SPOCK3: variants seen among roughly 807,000 people sequenced by gnomAD.
SPOCK3 encodes the protein SPARC (osteonectin), cwcv and kazal like domains proteoglycan 3.
A neutral mutation model predicts 56.6 loss-of-function variants in SPOCK3; 30 were observed. That is an observed-to-expected ratio of 0.53 (90% CI 0.40 to 0.72). The LOEUF (loss-of-function observed/expected upper bound fraction) is 0.72. Among genes scored for constraint, SPOCK3 ranks in the 30% least tolerant of loss-of-function variants. SPOCK3 has a pLI of 0.00. For synonymous variants in SPOCK3, 196 were observed against 183.3 expected (o/e 1.07, Z -0.56); for missense variants, 527 against 530.0 (o/e 0.99, Z 0.06).
At chr4:167,021,398 C>T (rs1751157177) in intron 3 of SPOCK3, among the ~76,000 whole-genome samples, 2 of 152,002 alleles carry the variant, frequency 1.3e-5, no homozygotes, top group South Asian at 4.1e-4. Context: ...CTATTAAAAT[C>T]TTGTGATAGC....
chr4:167,228,385 G>C (rs1205615436), intron 2 of SPOCK3, among the ~76,000 whole-genome samples: 12 of 152,114 alleles, frequency 7.9e-5, no homozygotes. Flanking sequence ...ATGAAAGCTA[G>C]AGGGTTAAAA....
chr4:167,147,573 A>G (rs1033802918), intron 2 of SPOCK3, among the ~76,000 whole-genome samples: 1 of 152,204 alleles, frequency 6.6e-6, no homozygotes, highest in Non-Finnish European at 1.5e-5. Context: ...ATGCCCATCA[A>G]TGATAAACTG....
chr4:166,814,429 C>T lies in SPOCK3; in HGVS notation c.590-22140G>A, dbSNP rs114005725. On this transcript the variant is annotated intron_variant, in intron 6 of 10. Transcript: ENST00000357545. ...ATCAGTAGACTGGGAGAGGAAGACC[C>T]ACCCTCATTAGGTGGGTGGGAATCA... Among the ~76,000 whole-genome samples the T allele has an allele frequency of 2.7e-3, 404 of 152,100 alleles. 1 individual carries two copies. Among genetic ancestry groups the T allele is most frequent in the African/African-American group, 9.4e-3 (389 of 41,530 alleles).
At chr4:167,026,515 A>C (rs930225816) in intron 3 of SPOCK3, among the ~76,000 whole-genome samples, 4 of 152,074 alleles carry the variant, frequency 2.6e-5, no homozygotes, top group Non-Finnish European at 5.9e-5. Context: ...AAATAAAATC[A>C]TCTGGCTTAA....
chr4:166,737,412 A>G (rs527668577), intron 10 of SPOCK3, 55 bp downstream of exon 10: 1 of 1,542,994 alleles, frequency 6.5e-7, no homozygotes, highest in Non-Finnish European at 8.8e-7. Flanking sequence ...ATGAGGCTCT[A>G]AAGCACTTAA....
intron 2 of SPOCK3, among the ~76,000 whole-genome samples, chr4:167,153,422 T>C (rs815222): frequency 0.16 from 24,884 of 152,168 alleles, 2,261 homozygotes; most frequent in East Asian, 0.21. Flanking sequence ...GATTGCTTTA[T>C]AGGATTGCTG....
chr4:167,227,114 C>A (rs571623072), intron 2 of SPOCK3, among the ~76,000 whole-genome samples: 1 of 152,138 alleles, frequency 6.6e-6, no homozygotes, highest in Non-Finnish European at 1.5e-5. Flanking sequence ...TAGAGCAACA[C>A]AATTATGTTG....
chr4:166,777,559 C>G (rs1177177636), intron 7 of SPOCK3, among the ~76,000 whole-genome samples: 1 of 152,078 alleles, frequency 6.6e-6, no homozygotes, highest in East Asian at 1.9e-4. Context: ...CAGGATCACC[C>G]CATGTCTCTA....
At chr4:166,792,410 A>C (rs1741456302) in intron 6 of SPOCK3, 121 bp from the exon 7 acceptor site, 1 of 1,028,672 alleles carries the variant, frequency 9.7e-7, no homozygotes, top group African/African-American at 1.6e-5. Context: ...GTGTGACTGC[A>C]TTTCAGCTTT....
intron 2 of SPOCK3, among the ~76,000 whole-genome samples, chr4:167,144,935 A>G (rs1763818039): frequency 6.6e-6 from 1 of 151,974 alleles, no homozygotes; most frequent in Non-Finnish European, 1.5e-5. Flanking sequence ...TGTCACAGGC[A>G]TCTCAAAATT....
intron 4 of SPOCK3, among the ~76,000 whole-genome samples, chr4:166,957,190 G>A (rs186075936): frequency 9.8e-5 from 15 of 152,338 alleles, no homozygotes; most frequent in Non-Finnish European, 2.1e-4. Context: ...GGAGGCAGAA[G>A]TGGCAGTGAG....
chr4:167,122,152 TTCTC>T (rs547205872), intron 2 of SPOCK3, among the ~76,000 whole-genome samples: 42 of 150,004 alleles, frequency 2.8e-4, no homozygotes, highest in Admixed American at 6.7e-4. Flanking sequence ...TCTTTTCTCA[TTCTC>T]TCTCTCTCTC....
At chr4:167,025,900 A>G (rs1344656) in intron 3 of SPOCK3, among the ~76,000 whole-genome samples, 30,176 of 152,010 alleles carry the variant, frequency 0.2, 3,561 homozygotes, top group African/African-American at 0.33. Flanking sequence ...CCTAGGCTAC[A>G]TGGTGGAGCC....
In SPOCK3 at chr4:167,119,720, G is replaced by T. The variant is rs1362420564; in HGVS notation, c.190-57183C>A. 5 of 1,040,330 alleles carry T rather than the reference G, an allele frequency of 4.8e-6. No homozygotes were observed. In the Admixed American group the frequency reaches 6.6e-5, roughly 14 times the overall value. The allele number at this position is 1,040,330 out of a possible 1,614,324, so 64.4% of individuals were successfully genotyped here. A position where few individuals can be genotyped will look rare whatever the true frequency, so the allele number is the denominator to read the frequency against. On this transcript the variant is annotated intron_variant, in intron 2 of 10. Coordinates refer to ENST00000357545, the MANE Select transcript of SPOCK3 (RefSeq NM_001040159.2). ...CATTTGAAGTATTTAAATAGAGAACGTTATGTCTATAACATAATGGGTACT... is the reference window on the plus strand; with the variant it reads ...CATTTGAAGTATTTAAATAGAGAACTTTATGTCTATAACATAATGGGTACT...
At chr4:166,861,904 T>A (rs1363933032) in intron 6 of SPOCK3, among the ~76,000 whole-genome samples, 1 of 152,130 alleles carries the variant, frequency 6.6e-6, no homozygotes, top group African/African-American at 2.4e-5. Context: ...ATTATAATAA[T>A]TTGCTTTTAC....
At chr4:166,800,183 G>GAAAAAAAAA (rs367811359) in intron 6 of SPOCK3, among the ~76,000 whole-genome samples, 1,239 of 51,672 alleles carry the variant, frequency 0.024, 67 homozygotes, top group African/African-American at 0.029. Context: ...CTCCATCTCA[G>GAAAAAAAAA]AAAAAAAAAA....
intron 2 of SPOCK3, among the ~76,000 whole-genome samples, chr4:167,192,631 C>A (rs774327930): frequency 2.8e-5 from 4 of 144,400 alleles, no homozygotes; most frequent in Non-Finnish European, 6.0e-5. Flanking sequence ...ATAACTTGTA[C>A]TGTTTCTTTC....
intron 7 of SPOCK3, among the ~76,000 whole-genome samples, chr4:166,789,458 C>T (rs1244466294): frequency 6.6e-6 from 1 of 151,650 alleles, no homozygotes; most frequent in African/African-American, 2.4e-5. Context: ...AAACCAAAAC[C>T]AAAAACAAAA....
chr4:167,031,671 G>A (rs1458982811), intron 3 of SPOCK3, among the ~76,000 whole-genome samples: 2 of 151,926 alleles, frequency 1.3e-5, no homozygotes, highest in Admixed American at 1.3e-4. Flanking sequence ...AGAGTATTAT[G>A]ATGTAAGAAT....
Sources: gnomAD v4.1 joint callset for allele counts (sites outside exome capture counted in the v4.1 genomes callset) on GRCh38, gnomAD v4.1.1 for gene constraint, MANE v1.5 for transcripts, NCBI Gene and HGNC (gene_info 2026-07-23, HGNC 2026-07-21) for gene names.